DIP2B: variants seen among roughly 807,000 people sequenced by gnomAD.
DIP2B encodes disco-interacting protein 2 homolog B.
A neutral mutation model predicts 198.0 loss-of-function variants in DIP2B; 76 were observed. The ratio of observed to expected loss-of-function variants is 0.38; its 90% CI spans 0.32 to 0.46. The LOEUF is 0.46. Among genes scored for constraint, DIP2B ranks in the 20% least tolerant of loss-of-function variants. The probability of loss-of-function intolerance (pLI) is 0.99; values close to 1 mark genes in which losing one functional copy is unlikely to be tolerated. For synonymous variants in DIP2B, 701 were observed against 739.1 expected (o/e 0.95, Z 0.84); for missense variants, 1,559 against 1,978.4 (o/e 0.79, Z 4.02).
chr12:50,714,727 C>A, intron 23 of DIP2B, 131 bp downstream of exon 23: 2 of 1,072,930 alleles, frequency 1.9e-6, no homozygotes, highest in Non-Finnish European at 2.7e-6. Flanking sequence ...GTCGTGTGAG[C>A]CCAGGAGCTC....
chr12:50,683,229 A>C lies in DIP2B; in HGVS notation c.1298A>C (p.Glu433Ala), dbSNP rs1939074718. ...GCAGAAGTGATTCCAGTGCCTATAGAGGTACCTCTTACCAGAAAGGTAACA... is the reference window on the plus strand; with the variant it reads ...GCAGAAGTGATTCCAGTGCCTATAGCGGTACCTCTTACCAGAAAGGTAACA... ...LLAEVIPVPI[E>A]VPLTRKDAGG... The change falls in exon 10 of 38, where the codon GAG (glutamate) becomes GCG (alanine). Residue 433 changes from glutamate to alanine, a missense_variant. Glu to Ala is a moderately radical substitution (Grantham distance 107). Coordinates refer to ENST00000301180, the MANE Select transcript of DIP2B (RefSeq NM_173602.3). 6.2e-7 allele frequency: 1 copy of C among 1,610,972 alleles called. No homozygotes were observed. The highest frequency in any genetic ancestry group is 8.5e-7 in the Non-Finnish European group (1 of 1,179,106).
intron 2 of DIP2B, among the ~76,000 whole-genome samples, chr12:50,640,043 C>T (rs951878471): frequency 6.6e-5 from 10 of 152,232 alleles, no homozygotes; most frequent in Non-Finnish European, 1.5e-4. Context: ...GATATTAATA[C>T]TACTGTATTT....
chr12:50,652,960 A>G (rs1242478655), intron 3 of DIP2B, among the ~76,000 whole-genome samples: 1 of 150,328 alleles, frequency 6.7e-6, no homozygotes, highest in Non-Finnish European at 1.5e-5. Context: ...TTTTTTTTTA[A>G]AGAAACGGGG....
chr12:50,607,874 A>G (rs948605279), intron 1 of DIP2B, among the ~76,000 whole-genome samples: 7 of 152,102 alleles, frequency 4.6e-5, no homozygotes, highest in African/African-American at 1.7e-4. Context: ...GCTCACTGCA[A>G]CCTCTGCCTC....
intron 25 of DIP2B, among the ~76,000 whole-genome samples, chr12:50,720,462 A>G (rs1228637081): frequency 6.6e-6 from 1 of 151,764 alleles, no homozygotes; most frequent in Non-Finnish European, 1.5e-5. Context: ...CAATAATAGA[A>G]CTTAATGAGA....
intron 1 of DIP2B, among the ~76,000 whole-genome samples, chr12:50,565,038 C>G (rs1958551525): frequency 6.6e-6 from 1 of 151,874 alleles, no homozygotes; most frequent in Admixed American, 6.6e-5. Context: ...AGAGCTTATT[C>G]TTTCACCCAG....
chr12:50,537,264 T>G lies in DIP2B; in HGVS notation c.100+32024T>G, dbSNP rs1172171082. ...GCTAGAGCCACTGCACCTGCCAGAT[T>G]GCTTTATAATTGTTTGTTTACACTT... On this transcript the variant is annotated intron_variant, in intron 1 of 37. Coordinates refer to ENST00000301180, the MANE Select transcript of DIP2B (RefSeq NM_173602.3). Among the ~76,000 whole-genome samples the G allele has an allele frequency of 4.5e-5, 6 of 133,190 alleles. No individual in the cohort carries two copies. In the South Asian group the frequency reaches 7.6e-4, roughly 17 times the overall value. The allele number at this position is 133,190 out of a possible 152,430, so 87.4% of individuals were successfully genotyped here. A position where few individuals can be genotyped will look rare whatever the true frequency, so the allele number is the denominator to read the frequency against.
At chr12:50,630,199 C>T (rs544219320) in intron 2 of DIP2B, among the ~76,000 whole-genome samples, 108 of 152,206 alleles carry the variant, frequency 7.1e-4, no homozygotes, top group African/African-American at 2.6e-3. Context: ...CCACCTGCCT[C>T]GGCCTCCCAA....
intron 1 of DIP2B, among the ~76,000 whole-genome samples, chr12:50,520,023 T>G (rs1958101833): frequency 6.7e-6 from 1 of 149,728 alleles, no homozygotes; most frequent in Non-Finnish European, 1.5e-5. Context: ...ACCAGTCTTG[T>G]CATTGAATCT....
At chr12:50,631,756 A>C (rs772331245) in intron 2 of DIP2B, among the ~76,000 whole-genome samples, 1 of 152,034 alleles carries the variant, frequency 6.6e-6, no homozygotes, top group Non-Finnish European at 1.5e-5. Context: ...CTTAAAGCAC[A>C]TTTTTTAGTA....
intron 1 of DIP2B, among the ~76,000 whole-genome samples, chr12:50,582,572 C>T (rs1159283001): frequency 6.6e-6 from 1 of 152,010 alleles, no homozygotes; most frequent in Non-Finnish European, 1.5e-5. Context: ...CTCTGGATTT[C>T]TTTTATTTTT....
chr12:50,674,409 C>T (rs1938908849), intron 5 of DIP2B, 65 bp from the exon 6 acceptor site: 2 of 1,579,326 alleles, frequency 1.3e-6, no homozygotes, highest in African/African-American at 1.4e-5. Flanking sequence ...AAACAAAACC[C>T]CAAAGATTTG....
rs530782454 is a variant in DIP2B, at chr12:50,687,065, A to G, written c.1551+383A>G. 2.0e-5 allele frequency among the ~76,000 whole-genome samples: 3 copies of G among 152,306 alleles called. No homozygotes were observed. The South Asian group carries it at 6.2e-4, about 32-fold the overall frequency. On this transcript the variant is annotated intron_variant, in intron 12 of 37. Coordinates refer to ENST00000301180, the MANE Select transcript of DIP2B (RefSeq NM_173602.3). Reference sequence around the variant, plus strand: ...ATAGCTCTGCTTAAAAGAACAGATTAGTAGATGAAAGATAAAGAGCAAGAA... The same window carrying G: ...ATAGCTCTGCTTAAAAGAACAGATTGGTAGATGAAAGATAAAGAGCAAGAA...
At chr12:50,518,205 A>G (rs1354095465) in intron 1 of DIP2B, among the ~76,000 whole-genome samples, 3 of 148,124 alleles carry the variant, frequency 2.0e-5, no homozygotes, top group Admixed American at 1.4e-4. Context: ...AATTGGGTTC[A>G]CATATGGTCT....
Position 50,691,123 on chromosome 12 carries a change from T to C in DIP2B, c.1626T>C (p.Ala542=), listed in dbSNP as rs760355819. ...SRLAMLSHCQ[A]LSQACNYSEG... is the part of the protein sequence containing the mutation. ...TTGCAATGTTGTCTCACTGCCAAGC[T>C]CTGTCGCAGGCCTGCAATTATTCTG... The change falls in exon 13 of 38, where the codon GCT becomes GCC. Residue 542 remains alanine, a synonymous_variant. Coordinates refer to ENST00000301180, the MANE Select transcript of DIP2B (RefSeq NM_173602.3). 19 of 1,614,106 alleles carry C rather than the reference T, an allele frequency of 1.2e-5. No individual in the cohort carries two copies. The South Asian group carries it at 2.1e-4, about 18-fold the overall frequency.
At chr12:50,712,251 C>T (rs895689118) in intron 22 of DIP2B, among the ~76,000 whole-genome samples, 2 of 152,122 alleles carry the variant, frequency 1.3e-5, no homozygotes, top group African/African-American at 4.8e-5. Flanking sequence ...AAGATTGTAT[C>T]TCTTGTTCAA....
At chr12:50,657,223 CAAAAAAAAAAAAA>C (rs57903571) in intron 3 of DIP2B, 1 of 107,048 alleles carries the variant, frequency 9.3e-6, no homozygotes, top group Non-Finnish European at 1.9e-5. Flanking sequence ...TCTCTATTTA[CAAAAAAAAAAAAA>C]AAAAAAAAAG....
chr12:50,656,493 C>T (rs554368818), intron 3 of DIP2B, among the ~76,000 whole-genome samples: 3 of 152,258 alleles, frequency 2.0e-5, no homozygotes, highest in South Asian at 2.1e-4. Flanking sequence ...ATGATAGTAA[C>T]AGAATAGTCA....
intron 2 of DIP2B, among the ~76,000 whole-genome samples, chr12:50,627,565 G>A (rs1388473100): frequency 2.6e-5 from 4 of 152,204 alleles, no homozygotes; most frequent in African/African-American, 9.7e-5. Context: ...CTGAGCTCAA[G>A]TAGTACTGCC....
Sources: gnomAD v4.1 joint callset for allele counts (sites outside exome capture counted in the v4.1 genomes callset) on GRCh38, gnomAD v4.1.1 for gene constraint, MANE v1.5 for transcripts, NCBI Gene and HGNC (gene_info 2026-07-23, HGNC 2026-07-21) for gene names.